Variants in ATP11B observed in about 807,000 individuals in gnomAD.
ATP11B encodes the protein phospholipid-transporting ATPase IF.
In ATP11B, 81 loss-of-function variants were observed where a neutral mutation model predicts 157.8. The observed-to-expected ratio is 0.51, with a 90% CI of 0.43 to 0.62. ATP11B has a LOEUF of 0.62. ATP11B is among the 20% of genes least tolerant of loss of function. ATP11B has a pLI of 0.00. For synonymous variants in ATP11B, 451 were observed against 469.4 expected (o/e 0.96, Z 0.51); for missense variants, 1,165 against 1,402.2 (o/e 0.83, Z 2.70).
intron 25 of ATP11B, among the ~76,000 whole-genome samples, chr3:182,893,279 G>T (rs993700365): frequency 5.9e-5 from 9 of 151,716 alleles, no homozygotes; most frequent in Non-Finnish European, 1.0e-4. Flanking sequence ...TGATTTCTGA[G>T]ATTTTGGTGC....
At chr3:182,818,035 C>G (rs559763542) in intron 1 of ATP11B, among the ~76,000 whole-genome samples, 1 of 152,228 alleles carries the variant, frequency 6.6e-6, no homozygotes, top group South Asian at 2.1e-4. Flanking sequence ...AATATTTTAT[C>G]TGTTTTAACG....
intron 7 of ATP11B, among the ~76,000 whole-genome samples, chr3:182,841,290 G>T (rs1718994696): frequency 1.3e-5 from 2 of 152,032 alleles, no homozygotes; most frequent in Non-Finnish European, 1.5e-5. Context: ...TTTTTATTAT[G>T]TTCATTGCTT....
chr3:182,820,233 C>T (rs951180814), intron 1 of ATP11B, 27 bp from the exon 2 acceptor site: 34 of 1,472,232 alleles, frequency 2.3e-5, no homozygotes, highest in Non-Finnish European at 3.0e-5. Context: ...ACTAGTATTT[C>T]TTTTTCTCTT....
chr3:182,844,539 T>G, intron 8 of ATP11B: 7 of 983,388 alleles, frequency 7.1e-6, no homozygotes, highest in Non-Finnish European at 8.5e-6. Context: ...TTATATCTCC[T>G]TTATGGAGAG....
intron 2 of ATP11B, among the ~76,000 whole-genome samples, chr3:182,825,548 G>A (rs553583577): frequency 5.3e-5 from 8 of 152,082 alleles, no homozygotes; most frequent in Admixed American, 3.3e-4. Context: ...GTGAAACCCC[G>A]TCTCTACTAA....
intron 20 of ATP11B, 51 bp from the exon 21 acceptor site, chr3:182,880,828 G>A (rs1335976117): frequency 4.3e-6 from 5 of 1,171,232 alleles, no homozygotes; most frequent in Non-Finnish European, 6.0e-6. Flanking sequence ...CTATATGAAT[G>A]CAAGAAAATT....
intron 1 of ATP11B, among the ~76,000 whole-genome samples, chr3:182,805,518 G>A (rs955449118): frequency 2.0e-5 from 3 of 151,152 alleles, no homozygotes; most frequent in East Asian, 1.9e-4. Flanking sequence ...GCAATGGCAC[G>A]ATCTCAGATC....
chr3:182,848,579 A>G lies in ATP11B; in HGVS notation c.851+22A>G, dbSNP rs1719719608. ...AAAAGTAAGAAAACTGTTTTCATTT[A>G]TTTATATGTAATTATAACTCTACAT... is the stretch of plus-strand genomic sequence containing the variant. On this transcript the variant is annotated intron_variant, in intron 10 of 29. Transcript: ENST00000323116. 3.6e-6 allele frequency: 5 copies of G among 1,384,534 alleles called. No individual in the cohort carries two copies. The East Asian group carries it at 1.3e-4, about 35-fold the overall frequency. The allele number at this position is 1,384,534 out of a possible 1,614,324, so 85.8% of individuals were successfully genotyped here. A position where few individuals can be genotyped will look rare whatever the true frequency, so the allele number is the denominator to read the frequency against.
chr3:182,821,600 T>C (rs1435126431), intron 2 of ATP11B, among the ~76,000 whole-genome samples: 1 of 152,226 alleles, frequency 6.6e-6, no homozygotes, highest in East Asian at 1.9e-4. Context: ...GAATAGTACT[T>C]TGCAGTAGAC....
intron 25 of ATP11B, among the ~76,000 whole-genome samples, chr3:182,892,159 G>T (rs184742109): frequency 6.6e-6 from 1 of 152,176 alleles, no homozygotes; most frequent in Non-Finnish European, 1.5e-5. Flanking sequence ...CTAAAACATT[G>T]CTTATGTTCC....
chr3:182,825,052 A>G (rs892856599), intron 2 of ATP11B, among the ~76,000 whole-genome samples: 3 of 152,226 alleles, frequency 2.0e-5, no homozygotes, highest in Admixed American at 6.5e-5. Flanking sequence ...TCATTTTACT[A>G]CCTTTCACTC....
Position 182,793,569 on chromosome 3 carries a change from C to T in ATP11B, c.-191C>T. 2.7e-6 allele frequency: 1 copy of T among 368,474 alleles called. No individual in the cohort carries two copies. The highest frequency in any genetic ancestry group is 4.8e-6 in the Non-Finnish European group (1 of 207,786). 22.8% of individuals were successfully genotyped at this position (368,474 alleles called of 1,614,324 possible). On this transcript the variant is annotated 5_prime_UTR_variant, in exon 1 of 30. Coordinates refer to ENST00000323116, the MANE Select transcript of ATP11B (RefSeq NM_014616.3). ...CGCCGGGCGGGGGCGGCGCCGGGGC[C>T]GCGCCTGTAGGACTCGGGGCCGACG...
chr3:182,906,275 T>C (rs1560129398), intron 28 of ATP11B, among the ~76,000 whole-genome samples: 1 of 152,210 alleles, frequency 6.6e-6, no homozygotes, highest in Non-Finnish European at 1.5e-5. Context: ...GAAATCATTT[T>C]CCCCCTTGAA....
At chr3:182,838,763 T>A (rs1239361438) in intron 7 of ATP11B, among the ~76,000 whole-genome samples, 4 of 146,506 alleles carry the variant, frequency 2.7e-5, no homozygotes, top group Admixed American at 2.7e-4. Context: ...TATGTGCTTG[T>A]AACACATATA....
At chr3:182,865,213 G>T (rs1340358667) in intron 12 of ATP11B, among the ~76,000 whole-genome samples, 1 of 152,122 alleles carries the variant, frequency 6.6e-6, no homozygotes, top group Non-Finnish European at 1.5e-5. Flanking sequence ...AGATAAACAT[G>T]TACGTAAAGA....
intron 1 of ATP11B, 25 bp from the exon 2 acceptor site, chr3:182,820,235 T>C (rs1321760181): frequency 3.4e-5 from 51 of 1,496,012 alleles, no homozygotes; most frequent in Non-Finnish European, 4.8e-5. Flanking sequence ...TAGTATTTCT[T>C]TTTCTCTTGC....
At chr3:182,900,513 A>C (rs955823308) in intron 28 of ATP11B, among the ~76,000 whole-genome samples, 2 of 152,142 alleles carry the variant, frequency 1.3e-5, no homozygotes, top group South Asian at 4.1e-4. Context: ...GTATATATTT[A>C]TATCAGTGTG....
intron 28 of ATP11B, among the ~76,000 whole-genome samples, chr3:182,912,915 A>T (rs1283880881): frequency 6.6e-6 from 1 of 151,380 alleles, no homozygotes; most frequent in Non-Finnish European, 1.5e-5. Context: ...TTTTTTTTTT[A>T]AAACAACAGC....
rs143343535 is a variant in ATP11B at position 182,919,390 on chromosome 3, C to G, written c.*1286C>G. On this transcript the variant is annotated 3_prime_UTR_variant, in exon 30 of 30. Coordinates refer to ENST00000323116, the MANE Select transcript of ATP11B (RefSeq NM_014616.3). ...AGAATGATTAATCGGGTACATGTTA[C>G]TGTAATTAACTCATTGCACTTCAAA... is the stretch of plus-strand genomic sequence containing the variant. The G allele has an allele frequency of 1.2e-3, 188 of 152,724 alleles. No individual in the cohort carries two copies. Among genetic ancestry groups the G allele is most frequent in the African/African-American group, 4.4e-3 (181 of 41,562 alleles). 9.5% of individuals were successfully genotyped at this position (152,724 alleles called of 1,614,324 possible).
Sources: allele counts gnomAD v4.1 joint callset (sites outside exome capture counted in the v4.1 genomes callset), GRCh38; gene constraint gnomAD v4.1.1; transcripts MANE v1.5; gene names NCBI Gene and HGNC (gene_info 2026-07-23, HGNC 2026-07-21).